The following SHANK2 variants were observed in gnomAD, a reference collection of about 807,000 sequenced individuals.
The protein encoded by SHANK2 is SH3 and multiple ankyrin repeat domains 2.
In SHANK2, 43 loss-of-function variants were observed where a neutral mutation model predicts 133.7. The observed-to-expected ratio is 0.32, with a 90% CI of 0.25 to 0.41. The LOEUF (loss-of-function observed/expected upper bound fraction) is 0.41, where lower values mean the gene tolerates loss of function less well. Ranked by LOEUF, SHANK2 falls within the 10% of genes least tolerant of loss-of-function variation. The pLI, the probability that SHANK2 is intolerant of heterozygous loss-of-function variation, is 1.00. For synonymous variants in SHANK2, 1,017 were observed against 952.8 expected, an observed-to-expected ratio of 1.07 and a Z score of -1.24; for missense variants, 1,994 against 2,235.8, an observed-to-expected ratio of 0.89 and a Z score of 2.18.
chr11:71,141,878 G>T (rs1952560183), intron 3 of SHANK2, among the ~76,000 whole-genome samples: 1 of 151,832 alleles, frequency 6.6e-6, no homozygotes, highest in Non-Finnish European at 1.5e-5. Flanking sequence ...GACGAGACAG[G>T]CAGAAATGTC....
At chr11:70,707,590 C>T (rs189501361) in intron 14 of SHANK2, among the ~76,000 whole-genome samples, 2 of 152,222 alleles carry the variant, frequency 1.3e-5, no homozygotes, top group Admixed American at 6.5e-5. Flanking sequence ...TCGCTAGCTA[C>T]ACAACCCCAA....
At chr11:70,559,355 T>C (rs546400335) in intron 17 of SHANK2, among the ~76,000 whole-genome samples, 2 of 152,328 alleles carry the variant, frequency 1.3e-5, no homozygotes, top group Admixed American at 1.3e-4. Flanking sequence ...CTTTTAGCTT[T>C]ACCAAAAGAA....
At chr11:71,243,936 C>T (rs892197676) in intron 1 of SHANK2, among the ~76,000 whole-genome samples, 6 of 152,282 alleles carry the variant, frequency 3.9e-5, no homozygotes, top group African/African-American at 7.2e-5. Flanking sequence ...TTCTACCAAA[C>T]ATTTAAAGAA....
At chr11:70,523,475 G>A (rs1395483935) in intron 17 of SHANK2, among the ~76,000 whole-genome samples, 1 of 152,230 alleles carries the variant, frequency 6.6e-6, no homozygotes, top group African/African-American at 2.4e-5. Context: ...GTCTATCCAT[G>A]AGAATGCCTG....
intron 2 of SHANK2, among the ~76,000 whole-genome samples, chr11:71,198,081 C>T (rs1953944475): frequency 6.6e-6 from 1 of 152,188 alleles, no homozygotes; most frequent in Non-Finnish European, 1.5e-5. Context: ...CCTTCAAGGA[C>T]AGCGGCTTGA....
chr11:70,782,920 T>C (rs1947538732), intron 14 of SHANK2, among the ~76,000 whole-genome samples: 1 of 152,200 alleles, frequency 6.6e-6, no homozygotes, highest in Admixed American at 6.5e-5. Flanking sequence ...ACTAAATGTC[T>C]GTGACCCCCT....
At chr11:70,876,536 G>A (rs1357706407) in intron 11 of SHANK2, among the ~76,000 whole-genome samples, 5 of 148,242 alleles carry the variant, frequency 3.4e-5, no homozygotes, top group African/African-American at 1.2e-4. Flanking sequence ...CTCCAGCCTG[G>A]GTGATGAGTG....
In SHANK2 at chr11:70,853,579, G is replaced by A. The variant is rs145318082; in HGVS notation, c.1175-32897C>T. Reference sequence around the variant, plus strand: ...CCCAACAGCTCCACCAGCCCGGAGCGTGTGATGTGTGTAGGATGCTTCCTG... The same window carrying A: ...CCCAACAGCTCCACCAGCCCGGAGCATGTGATGTGTGTAGGATGCTTCCTG... On this transcript the variant is annotated intron_variant, in intron 11 of 25. Transcript: ENST00000601538. Among the ~76,000 whole-genome samples, 204 of 152,294 alleles carry A rather than the reference G, an allele frequency of 1.3e-3. 1 individual carries two copies. The highest frequency in any genetic ancestry group is 4.0e-4 in the Non-Finnish European group (27 of 68,032).
At chr11:70,948,858 C>T (rs1040252968) in intron 10 of SHANK2, among the ~76,000 whole-genome samples, 9 of 152,238 alleles carry the variant, frequency 5.9e-5, no homozygotes, top group African/African-American at 1.9e-4. Context: ...ATACCAGCAA[C>T]ACATTCAATT....
At chr11:70,546,097 ATTTTTT>A (rs57144719) in intron 17 of SHANK2, among the ~76,000 whole-genome samples, 1 of 137,512 alleles carries the variant, frequency 7.3e-6, no homozygotes, top group African/African-American at 2.9e-5. Context: ...TATTTATTTA[ATTTTTT>A]TTTTTTTTTT....
At chr11:70,792,216 C>A (rs1401956695) in intron 14 of SHANK2, among the ~76,000 whole-genome samples, 1 of 152,008 alleles carries the variant, frequency 6.6e-6, no homozygotes, top group Non-Finnish European at 1.5e-5. Context: ...ACCAACCAAC[C>A]AACTAATCAG....
intron 14 of SHANK2, among the ~76,000 whole-genome samples, chr11:70,734,578 C>T (rs1254108758): frequency 6.6e-6 from 1 of 152,168 alleles, no homozygotes; most frequent in South Asian, 2.1e-4. Context: ...GGGCGAGGAC[C>T]AAGGGGTGGG....
chr11:70,673,661 TC>T (rs782153955), intron 15 of SHANK2, among the ~76,000 whole-genome samples: 2 of 152,106 alleles, frequency 1.3e-5, no homozygotes, highest in African/African-American at 4.8e-5. Flanking sequence ...CAGCCCGTGG[TC>T]CCCCCACCAG....
Position 70,928,924 on chromosome 11 carries a change from G to C in SHANK2, c.1108-32357C>G, listed in dbSNP as rs548282790. The stretch of plus-strand genomic sequence containing the variant: ...AGTGACTCCCCATCTCTCCTGGGAG[G>C]GTGGGGCTGGCAGAGTCAGGAAGCA... On this transcript the variant is annotated intron_variant, in intron 10 of 25. Coordinates refer to ENST00000601538, the MANE Select transcript of SHANK2 (RefSeq NM_012309.5). Among the ~76,000 whole-genome samples the C allele has an allele frequency of 6.6e-5, 10 of 152,210 alleles. No homozygotes were observed. The East Asian group carries it at 1.6e-3, about 24-fold the overall frequency.
chr11:71,151,511 G>A (rs782556262), intron 2 of SHANK2, among the ~76,000 whole-genome samples: 6 of 152,108 alleles, frequency 3.9e-5, no homozygotes, highest in Admixed American at 2.6e-4. Flanking sequence ...TTTATTCTTC[G>A]TCCTCATTCT....
intron 17 of SHANK2, among the ~76,000 whole-genome samples, chr11:70,583,702 CTG>C (rs1246669578): frequency 6.6e-6 from 1 of 152,234 alleles, no homozygotes. Context: ...TCCACGCTCA[CTG>C]TCAGGAGCCT....
intron 11 of SHANK2, among the ~76,000 whole-genome samples, chr11:70,855,714 A>G (rs73534028): frequency 0.044 from 6,721 of 152,330 alleles, 450 homozygotes; most frequent in African/African-American, 0.15. Flanking sequence ...CAAAAAATGT[A>G]AGATGAACAG....
rs373186131 is a variant in SHANK2, at chr11:70,472,941, G to A, written c.5478C>T (p.Ile1826=). ...HLPNLQKEDL[I]DLGVTRVGHR... ...GCCCGACTCGAGTTACCCCAAGATC[G>A]ATGAGGTCCTCCTTCTGCAGGTTTG... Residue 1826 remains isoleucine, a synonymous_variant, in exon 26 of 26, where the codon ATC becomes ATT. Transcript: ENST00000601538. The surrounding 1 kb of genome is among the most constrained non-coding windows in gnomAD (Gnocchi z 4.4). 5 of 1,614,096 alleles carry A rather than the reference G, an allele frequency of 3.1e-6. No homozygotes were observed. Among genetic ancestry groups the A allele is most frequent in the African/African-American group, 2.7e-5 (2 of 74,932 alleles).
chr11:70,681,198 C>T (rs1256968442), intron 15 of SHANK2, among the ~76,000 whole-genome samples: 3 of 152,172 alleles, frequency 2.0e-5, no homozygotes, highest in African/African-American at 7.2e-5. Flanking sequence ...CCAAGTCCCC[C>T]GTTCTCTCTC....
Sources: allele counts gnomAD v4.1 joint callset (sites outside exome capture counted in the v4.1 genomes callset), GRCh38; gene constraint gnomAD v4.1.1; non-coding constraint Gnocchi (gnomAD v3.1); transcripts MANE v1.5; gene names NCBI Gene and HGNC (gene_info 2026-07-23, HGNC 2026-07-21).